CARF: variants seen among roughly 807,000 people sequenced by gnomAD.
CARF encodes calcium-responsive transcription factor.
In CARF, 57 loss-of-function variants were observed where a neutral mutation model predicts 82.0. The ratio of observed to expected loss-of-function variants is 0.70; its 90% confidence interval spans 0.56 to 0.87. The LOEUF (loss-of-function observed/expected upper bound fraction) is 0.87, where lower values mean the gene tolerates loss of function less well. Ranked by LOEUF, CARF falls within the 40% of genes least tolerant of loss-of-function variation. The probability of loss-of-function intolerance (pLI) is 0.00; values close to 1 mark genes in which losing one functional copy is unlikely to be tolerated. For missense variants in CARF, 771 were observed against 855.8 expected, an observed-to-expected ratio of 0.90 and a Z score of 1.24; for synonymous variants, 268 against 290.1, an observed-to-expected ratio of 0.92 and a Z score of 0.77.
chr2:202,913,517 C>T, intron 1 of CARF, among the ~76,000 whole-genome samples: 1 of 152,272 alleles, frequency 6.6e-6, no homozygotes, highest in East Asian at 1.9e-4. Flanking sequence ...GGGAGAATAG[C>T]CACATTGAGT....
intron 3 of CARF, chr2:202,924,932 C>A: frequency 3.6e-6 from 1 of 280,676 alleles, no homozygotes; most frequent in Middle Eastern, 1.4e-3. Context: ...CAGATCAAGA[C>A]CCTAAACAAG....
chr2:202,960,758 C>T (rs1472804072), intron 8 of CARF, among the ~76,000 whole-genome samples: 31 of 149,466 alleles, frequency 2.1e-4, no homozygotes, highest in African/African-American at 6.3e-4. Context: ...TCCTGCCTTC[C>T]CTCCTTCTCT....
Position 202,971,683 on chromosome 2 carries a change from C to G in CARF, c.1276C>G (p.Gln426Glu), listed in dbSNP as rs761705666. Residue 426 changes from glutamine (Q) to glutamate (E), a missense_variant, in exon 12 of 17, where the codon CAA becomes GAA. Physicochemically the swap from Gln to Glu is conservative, Grantham distance 29 (BLOSUM62 2). Coordinates refer to ENST00000438828, the MANE Select transcript of CARF (RefSeq NM_024744.17). ...ACATCCTCAAGTAGCACATAAGATT[C>G]AAGAATTAGTATCACAGGGAATAGA... ...RLHPQVAHKI[Q>E]ELVSQGIEQV... is the part of the protein sequence containing the mutation. 1.9e-6 allele frequency: 3 copies of G among 1,613,388 alleles called. No individual in the cohort carries two copies. Among genetic ancestry groups the G allele is most frequent in the Non-Finnish European group, 2.5e-6 (3 of 1,179,662 alleles).
intron 9 of CARF, among the ~76,000 whole-genome samples, chr2:202,964,804 T>C (rs1277004330): frequency 2.0e-5 from 3 of 150,902 alleles, no homozygotes; most frequent in Non-Finnish European, 4.4e-5. Flanking sequence ...CCATCTGTAA[T>C]TACTAAAGTA....
intron 5 of CARF, among the ~76,000 whole-genome samples, chr2:202,949,257 C>T (rs2058643846): frequency 6.6e-6 from 1 of 151,434 alleles, no homozygotes; most frequent in Non-Finnish European, 1.5e-5. Context: ...TCACTTGAAC[C>T]CAGGAGGCAG....
chr2:202,969,838 A>C, intron 10 of CARF, 81 bp from the exon 11 acceptor site: 1 of 929,826 alleles, frequency 1.1e-6, no homozygotes, highest in South Asian at 2.5e-5. Flanking sequence ...TTAAATGCTT[A>C]AAGTAGACTT....
intron 8 of CARF, 68 bp downstream of exon 8, chr2:202,955,826 C>T: frequency 8.9e-7 from 1 of 1,126,042 alleles, no homozygotes; most frequent in Non-Finnish European, 1.3e-6. Context: ...CCCCAAATGC[C>T]ACTTTTGAGT....
chr2:202,952,731 ATTTT>A, intron 6 of CARF, 52 bp downstream of exon 6: 1 of 1,544,342 alleles, frequency 6.5e-7, no homozygotes, highest in Admixed American at 1.8e-5. Flanking sequence ...AAACATAAAT[ATTTT>A]AGAAAAATCA....
chr2:202,961,509 A>G (rs1213589751), intron 9 of CARF, 83 bp downstream of exon 9: 5 of 1,238,766 alleles, frequency 4.0e-6, no homozygotes, highest in African/African-American at 3.0e-5. Flanking sequence ...AGGTGATAAC[A>G]TTTTTATTTT....
intron 14 of CARF, among the ~76,000 whole-genome samples, chr2:202,978,992 C>T (rs1032654300): frequency 2.0e-5 from 3 of 152,184 alleles, no homozygotes; most frequent in Non-Finnish European, 2.9e-5. Context: ...CACGGTGGCT[C>T]ACACCTGTAA....
intron 9 of CARF, among the ~76,000 whole-genome samples, chr2:202,964,775 A>G (rs1020393337): frequency 2.0e-5 from 3 of 151,666 alleles, no homozygotes; most frequent in Non-Finnish European, 2.9e-5. Context: ...GTTTTATAGC[A>G]CATTTCAGAT....
chr2:202,951,587 A>G (rs977905703), intron 5 of CARF, among the ~76,000 whole-genome samples: 1 of 152,112 alleles, frequency 6.6e-6, no homozygotes. Context: ...TGTATTAGCT[A>G]TACTTCCAAA....
At chr2:202,980,606 C>T (rs1340731976) in intron 14 of CARF, among the ~76,000 whole-genome samples, 6 of 72,140 alleles carry the variant, frequency 8.3e-5, no homozygotes, top group African/African-American at 1.9e-4. Context: ...ACAGATATAG[C>T]GTCTTTCAAG....
At chr2:202,936,184 A>C (rs1270794334) in intron 3 of CARF, among the ~76,000 whole-genome samples, 1 of 152,144 alleles carries the variant, frequency 6.6e-6, no homozygotes, top group African/African-American at 2.4e-5. Context: ...AAATTCCTTA[A>C]TATCAAATAT....
intron 2 of CARF, among the ~76,000 whole-genome samples, chr2:202,919,970 T>C (rs1690485443): frequency 6.6e-6 from 1 of 152,150 alleles, no homozygotes; most frequent in African/African-American, 2.4e-5. Context: ...TGGTAAATGC[T>C]CAATAAATGA....
intron 3 of CARF, among the ~76,000 whole-genome samples, chr2:202,932,008 C>A (rs575961493): frequency 6.6e-6 from 1 of 152,116 alleles, no homozygotes; most frequent in African/African-American, 2.4e-5. Context: ...GTGGCTTCTA[C>A]TGGGGAGGCG....
Position 202,917,768 on chromosome 2 carries a change from A to G in CARF, c.-329-109A>G, listed in dbSNP as rs904303383. The G allele has an allele frequency of 2.9e-5, 6 of 207,346 alleles. No individual in the cohort carries two copies. In the Admixed American group the frequency reaches 3.6e-4, roughly 12 times the overall value. 12.8% of individuals were successfully genotyped at this position (207,346 alleles called of 1,614,324 possible). ...AAATGAATCAATTGATAGTTTTACC[A>G]CACCAGGCTGATAATGGTTATTTTA... On this transcript the variant is annotated intron_variant, in intron 1 of 16. Transcript: ENST00000438828.
rs918076903 is a variant in CARF, at chr2:202,987,015, G to A, written c.*3391G>A. 6.8e-6 allele frequency: 1 copy of A among 147,902 alleles called. No homozygotes were observed. Among genetic ancestry groups the A allele is most frequent in the African/African-American group, 2.5e-5 (1 of 40,150 alleles). 9.2% of individuals were successfully genotyped at this position (147,902 alleles called of 1,614,324 possible). A position where few individuals can be genotyped will look rare whatever the true frequency, so the allele number is the denominator to read the frequency against. ...TTTTTATATTTTTCTTAGAGATAGT[G>A]GCAATTTTGTTCATCTTGAAGATGC... On this transcript the variant is annotated 3_prime_UTR_variant, in exon 17 of 17. Transcript: ENST00000438828.
chr2:202,936,970 G>C (rs1449427783), intron 3 of CARF, among the ~76,000 whole-genome samples: 1 of 151,940 alleles, frequency 6.6e-6, no homozygotes, highest in African/African-American at 2.4e-5. Context: ...TTTTATTTTT[G>C]GTATGTAATA....
Sources: allele counts gnomAD v4.1 joint callset (sites outside exome capture counted in the v4.1 genomes callset), GRCh38; gene constraint gnomAD v4.1.1; transcripts MANE v1.5; gene names NCBI Gene and HGNC (gene_info 2026-07-23, HGNC 2026-07-21).